Variants in FGF13 observed in about 807,000 individuals in gnomAD.
FGF13 encodes fibroblast growth factor homologous factor 2.
In FGF13, 2 loss-of-function variants were observed where a neutral mutation model predicts 19.5. The observed-to-expected ratio is 0.10, with a 90% CI of 0.04 to 0.32. The LOEUF (loss-of-function observed/expected upper bound fraction) is 0.32. Among genes scored for constraint, FGF13 ranks in the 10% least tolerant of loss-of-function variants. FGF13 has a pLI of 1.00. For synonymous variants in FGF13, 72 were observed against 76.9 expected, an observed-to-expected ratio of 0.94 and a Z score of 0.33; for missense variants, 113 against 192.7, an observed-to-expected ratio of 0.59 and a Z score of 2.45.
chrX:138,618,835 G>C lies in FGF13; in HGVS notation c.*14015C>G, dbSNP rs921269052. 9.0e-6 allele frequency: 1 copy of C among 111,718 alleles called. No homozygotes were observed. The highest frequency in any genetic ancestry group is 1.9e-5 in the Non-Finnish European group (1 of 53,188). The allele number at this position is 111,718 out of a possible 1,213,427, so 9.2% of individuals were successfully genotyped here. On this transcript the variant is annotated 3_prime_UTR_variant, in exon 5 of 5. Transcript: ENST00000315930. ...GGTTTTATGAAATTAAGAAAATACA[G>C]ATGATCTTAAAATTTCTCAAAAAGA...
intron 3 of FGF13, among the ~76,000 whole-genome samples, chrX:138,781,852 C>T (rs747556504): frequency 1.9e-4 from 21 of 111,555 alleles, no homozygotes; most frequent in African/African-American, 2.9e-4. Flanking sequence ...AGAGACACAA[C>T]GAAAAAAGAG....
intron 3 of FGF13, among the ~76,000 whole-genome samples, chrX:138,760,147 T>G (rs774714089): frequency 2.7e-5 from 3 of 111,263 alleles, no homozygotes; most frequent in African/African-American, 9.8e-5. Context: ...CCAGAGTTCC[T>G]AAACAATGCA....
intron 2 of FGF13, among the ~76,000 whole-genome samples, chrX:138,705,597 T>C (rs1023895089): frequency 3.6e-5 from 4 of 112,262 alleles, no homozygotes; most frequent in African/African-American, 1.3e-4. Context: ...AATCTAGGGA[T>C]TGACTGATCA....
intron 1 of FGF13, among the ~76,000 whole-genome samples, chrX:139,144,899 C>T (rs1240285796): frequency 9.0e-6 from 1 of 110,585 alleles, no homozygotes; most frequent in Non-Finnish European, 1.9e-5. Flanking sequence ...GTATCAATTC[C>T]CTTGAAATTC....
chrX:139,060,432 A>C (rs942066843), intron 1 of FGF13, among the ~76,000 whole-genome samples: 1 of 111,552 alleles, frequency 9.0e-6, no homozygotes, highest in Non-Finnish European at 1.9e-5. Flanking sequence ...CTAACGATAC[A>C]GATCTTATGC....
intron 1 of FGF13, among the ~76,000 whole-genome samples, chrX:139,149,729 T>C (rs752166495): frequency 8.9e-6 from 1 of 112,287 alleles, no homozygotes; most frequent in South Asian, 3.7e-4. Context: ...TGGTCTCTTA[T>C]TTAAAGGTGA....
intron 3 of FGF13, among the ~76,000 whole-genome samples, chrX:138,755,111 C>A (rs2090423533): frequency 8.9e-6 from 1 of 111,877 alleles, no homozygotes; most frequent in Non-Finnish European, 1.9e-5. Context: ...ATATCTTTTA[C>A]TATACACTCA....
intron 1 of FGF13, among the ~76,000 whole-genome samples, chrX:138,876,579 G>C (rs769220834): frequency 1.2e-4 from 14 of 112,066 alleles, no homozygotes; most frequent in African/African-American, 4.5e-4. Context: ...CAATAAATGG[G>C]GATGTTGGTC....
chrX:138,851,330 G>T (rs1055675615), intron 3 of FGF13, among the ~76,000 whole-genome samples: 1 of 111,648 alleles, frequency 9.0e-6, no homozygotes, highest in East Asian at 2.8e-4. Context: ...CTTCCACAAT[G>T]GTTGAACTAA....
chrX:139,195,934 C>T (rs1378136961), intron 1 of FGF13, among the ~76,000 whole-genome samples: 4 of 111,566 alleles, frequency 3.6e-5, no homozygotes, highest in Non-Finnish European at 5.6e-5. Flanking sequence ...TCTTTCATCA[C>T]GATTAATATA....
At position 138,627,624 on chromosome X, in the gene FGF13, T is replaced by TGC. The variant is rs751364541; in HGVS notation, c.*5225_*5226insGC. On this transcript the variant is annotated 3_prime_UTR_variant, in exon 5 of 5. Transcript: ENST00000315930. ...GTGTGTGTGTGTGTGTGTGTGTGTG[T>TGC]GTGCGCGTGTGTGTGTGTGTGTGTG... 3.7e-4 allele frequency: 35 copies of TGC among 93,593 alleles called. No homozygotes were observed. The highest frequency in any genetic ancestry group is 7.1e-4 in the East Asian group (2 of 2,828). The allele number at this position is 93,593 out of a possible 1,213,427, so 7.7% of individuals were successfully genotyped here.
At chrX:138,830,687 T>TTGTCTGTGTGTGTGTG (rs1199806084) in intron 3 of FGF13, among the ~76,000 whole-genome samples, 5 of 87,518 alleles carry the variant, frequency 5.7e-5, no homozygotes, top group African/African-American at 1.7e-4. Flanking sequence ...AAAGGGGTGT[T>TTGTCTGTGTGTGTGTG]TGTGTGTGTG....
chrX:139,159,904 C>A (rs2084014873), intron 1 of FGF13, among the ~76,000 whole-genome samples: 2 of 111,058 alleles, frequency 1.8e-5, no homozygotes, highest in South Asian at 7.7e-4. Flanking sequence ...GACTTTAACA[C>A]CTCACTGTCA....
intron 3 of FGF13, among the ~76,000 whole-genome samples, chrX:138,667,366 T>C (rs1378172161): frequency 9.1e-6 from 1 of 109,619 alleles, no homozygotes; most frequent in Non-Finnish European, 1.9e-5. Context: ...AGAACATTAA[T>C]ATTGGTTTTC....
At chrX:138,866,603 A>T (rs2091325403) in intron 1 of FGF13, among the ~76,000 whole-genome samples, 1 of 110,502 alleles carries the variant, frequency 9.0e-6, no homozygotes, top group South Asian at 3.9e-4. Context: ...CACCAGTGTG[A>T]CCTTGGGCAA....
At chrX:138,891,014 G>A (rs1238556569) in intron 1 of FGF13, among the ~76,000 whole-genome samples, 4 of 112,087 alleles carry the variant, frequency 3.6e-5, no homozygotes, top group African/African-American at 9.7e-5. Context: ...ATTTGTGGCC[G>A]GGAGCGGTGG....
At chrX:139,112,072 C>T (rs1453621931) in intron 1 of FGF13, among the ~76,000 whole-genome samples, 2 of 111,485 alleles carry the variant, frequency 1.8e-5, no homozygotes, top group Non-Finnish European at 3.8e-5. Context: ...TTATTTGATA[C>T]CAAAAAGAAA....
chrX:139,031,158 C>T (rs764303685), intron 1 of FGF13, among the ~76,000 whole-genome samples: 1 of 111,640 alleles, frequency 9.0e-6, no homozygotes, highest in Admixed American at 9.6e-5. Context: ...GATGTAAAAT[C>T]CCTTCAAAGC....
At chrX:139,198,419 T>G (rs1437277749) in intron 1 of FGF13, among the ~76,000 whole-genome samples, 1 of 111,516 alleles carries the variant, frequency 9.0e-6, no homozygotes, top group Admixed American at 9.6e-5. Flanking sequence ...AGCAAGCAAC[T>G]TAGCTCTGGA....
Sources: gnomAD v4.1 joint callset for allele counts (sites outside exome capture counted in the v4.1 genomes callset) on GRCh38, gnomAD v4.1.1 for gene constraint, MANE v1.5 for transcripts, NCBI Gene and HGNC (gene_info 2026-07-23, HGNC 2026-07-21) for gene names.